The following ADK variants were observed in gnomAD, a reference collection of about 807,000 sequenced individuals.
ADK encodes the protein N6,N6-dimethyladenosine kinase.
ADK carries 24 observed loss-of-function variants against 44.7 expected under a neutral mutation model. The ratio of observed to expected loss-of-function variants is 0.54; its 90% CI spans 0.39 to 0.76. ADK has a LOEUF of 0.76. ADK is among the 30% of genes least tolerant of loss of function. The pLI, the probability that ADK is intolerant of heterozygous loss-of-function variation, is 0.00. For missense variants in ADK, 321 were observed against 425.1 expected (o/e 0.76, Z 2.15); for synonymous variants, 128 against 142.6 (o/e 0.90, Z 0.73).
At chr10:74,560,278 T>C (rs1301369772) in intron 7 of ADK, among the ~76,000 whole-genome samples, 2 of 152,204 alleles carry the variant, frequency 1.3e-5, no homozygotes, top group African/African-American at 4.8e-5. Context: ...TATTAGTATT[T>C]AGTCATATTT....
rs566029215 is a variant in ADK at position 74,328,555 on chromosome 10, G to A, written c.273+13810G>A. Among the ~76,000 whole-genome samples, 7 of 152,220 alleles carry A rather than the reference G, an allele frequency of 4.6e-5. No individual in the cohort carries two copies. In the East Asian group the frequency reaches 1.4e-3, roughly 30 times the overall value. On this transcript the variant is annotated intron_variant, in intron 4 of 10. Transcript: ENST00000539909. ...CCATAATCCCCACATGTTGAGGGAG[G>A]GATCTGGTGGGAGGTGATTGGATCA...
intron 6 of ADK, among the ~76,000 whole-genome samples, chr10:74,407,439 T>C (rs1843988277): frequency 6.6e-6 from 1 of 152,212 alleles, no homozygotes; most frequent in South Asian, 2.1e-4. Context: ...TCATGTGCTT[T>C]CGGAATGTTG....
rs577835012 is a variant in ADK at position 74,470,435 on chromosome 10, C to G, written c.556-54821C>G. Among the ~76,000 whole-genome samples, 42 of 152,058 alleles carry G rather than the reference C, an allele frequency of 2.8e-4. No homozygotes were observed. The South Asian group carries it at 8.7e-3, about 32-fold the overall frequency. Reference sequence around the variant, plus strand: ...GGGTGTGCAAATATCTCATCAACATCTTGTTTTCAGATCTTTTGGATATAT... The same window carrying G: ...GGGTGTGCAAATATCTCATCAACATGTTGTTTTCAGATCTTTTGGATATAT... On this transcript the variant is annotated intron_variant, in intron 6 of 10. Transcript: ENST00000539909.
intron 4 of ADK, among the ~76,000 whole-genome samples, chr10:74,376,698 T>C (rs1002698566): frequency 3.9e-5 from 6 of 152,140 alleles, no homozygotes; most frequent in Non-Finnish European, 5.9e-5. Context: ...AGTAAGTTTA[T>C]TTGAATCAGC....
intron 9 of ADK, among the ~76,000 whole-genome samples, chr10:74,623,721 A>G (rs1204287935): frequency 1.4e-5 from 2 of 141,552 alleles, no homozygotes; most frequent in African/African-American, 5.9e-5. Flanking sequence ...TATTCTAGGC[A>G]TATATATATA....
chr10:74,586,496 A>C (rs998905568), intron 7 of ADK, among the ~76,000 whole-genome samples: 1 of 152,184 alleles, frequency 6.6e-6, no homozygotes, highest in African/African-American at 2.4e-5. Context: ...TTTGACATTT[A>C]TATATGTGTC....
intron 3 of ADK, among the ~76,000 whole-genome samples, chr10:74,234,368 G>A (rs1172774284): frequency 1.3e-5 from 2 of 152,192 alleles, no homozygotes; most frequent in African/African-American, 2.4e-5. Flanking sequence ...TACAGATGAG[G>A]AAGAGACTTC....
chr10:74,423,101 A>G (rs1844625375), intron 6 of ADK, among the ~76,000 whole-genome samples: 1 of 152,326 alleles, frequency 6.6e-6, no homozygotes, highest in South Asian at 2.1e-4. Context: ...CCGTCCTCAT[A>G]TACAAGGGTG....
intron 2 of ADK, among the ~76,000 whole-genome samples, chr10:74,203,205 T>A (rs1843460083): frequency 6.6e-6 from 1 of 152,242 alleles, no homozygotes; most frequent in Admixed American, 6.5e-5. Context: ...TTGAAGAGAC[T>A]ATTCTTTTCC....
intron 6 of ADK, among the ~76,000 whole-genome samples, chr10:74,452,674 A>G (rs892468121): frequency 6.6e-6 from 1 of 151,852 alleles, no homozygotes; most frequent in Non-Finnish European, 1.5e-5. Context: ...AGGTGTTTTT[A>G]AGAATTTCTC....
chr10:74,247,223 AGTT>A (rs1845451754), intron 3 of ADK, among the ~76,000 whole-genome samples: 1 of 78,252 alleles, frequency 1.3e-5, no homozygotes, highest in African/African-American at 4.5e-5. Context: ...TTTTTTTTTA[AGTT>A]TTTTTTTTTT....
At chr10:74,200,739 T>C in intron 1 of ADK, 25 bp from the exon 2 acceptor site, 1 of 1,511,258 alleles carries the variant, frequency 6.6e-7, no homozygotes, top group South Asian at 1.1e-5. Context: ...GAAGTATTTC[T>C]AACTTGTGTT....
At chr10:74,308,968 A>T (rs1218008548) in intron 3 of ADK, among the ~76,000 whole-genome samples, 1 of 145,632 alleles carries the variant, frequency 6.9e-6, no homozygotes, top group Non-Finnish European at 1.5e-5. Flanking sequence ...TGGAAATTGT[A>T]AAGTGTTGGT....
chr10:74,331,187 G>A (rs761060863), intron 4 of ADK, among the ~76,000 whole-genome samples: 2 of 152,052 alleles, frequency 1.3e-5, no homozygotes, highest in Non-Finnish European at 2.9e-5. Flanking sequence ...CTATGGCTGT[G>A]TTTTGCTTCT....
At position 74,708,618 on chromosome 10, in the gene ADK, C is replaced by A; in HGVS notation, c.*173C>A. Reference sequence around the variant, plus strand: ...GTAATGCTTGTAGAATCTTTATTATCTCAACAATCTAAAAAATGATGTTTA... The same window carrying A: ...GTAATGCTTGTAGAATCTTTATTATATCAACAATCTAAAAAATGATGTTTA... On this transcript the variant is annotated 3_prime_UTR_variant, in exon 11 of 11. Coordinates refer to ENST00000539909, the MANE Select transcript of ADK (RefSeq NM_006721.4). The A allele has an allele frequency of 1.6e-6, 1 of 644,088 alleles. No homozygotes were observed. The highest frequency in any genetic ancestry group is 3.5e-5 in the East Asian group (1 of 28,914). The allele number at this position is 644,088 out of a possible 1,614,324, so 39.9% of individuals were successfully genotyped here.
At chr10:74,390,783 C>T (rs1439999554) in intron 4 of ADK, among the ~76,000 whole-genome samples, 1 of 152,168 alleles carries the variant, frequency 6.6e-6, no homozygotes, top group African/African-American at 2.4e-5. Flanking sequence ...GAGTCCAACC[C>T]AGTTGATTGT....
chr10:74,282,033 GA>G (rs34447904), intron 3 of ADK, among the ~76,000 whole-genome samples: 2,933 of 152,146 alleles, frequency 0.019, 72 homozygotes, highest in African/African-American at 0.057. Context: ...TTTTATGTGT[GA>G]CTTTTCTTGC....
intron 3 of ADK, among the ~76,000 whole-genome samples, chr10:74,265,284 C>T (rs1290831571): frequency 1.3e-5 from 2 of 151,410 alleles, no homozygotes; most frequent in African/African-American, 4.9e-5. Context: ...GGTACAATCT[C>T]AGCTCACTGC....
intron 3 of ADK, among the ~76,000 whole-genome samples, chr10:74,244,147 T>A (rs1398552177): frequency 6.6e-6 from 1 of 152,234 alleles, no homozygotes; most frequent in Admixed American, 6.5e-5. Context: ...TATATTTTTC[T>A]TGGTAACCAA....
Sources: allele counts gnomAD v4.1 joint callset (sites outside exome capture counted in the v4.1 genomes callset), GRCh38; gene constraint gnomAD v4.1.1; transcripts MANE v1.5; gene names NCBI Gene and HGNC (gene_info 2026-07-23, HGNC 2026-07-21).